CDH20: variants seen among roughly 807,000 people sequenced by gnomAD.
The protein encoded by CDH20 is cadherin 20.
A neutral mutation model predicts 74.2 loss-of-function variants in CDH20; 29 were observed. That is an observed-to-expected ratio of 0.39 (90% CI 0.29 to 0.53). The LOEUF (loss-of-function observed/expected upper bound fraction) is 0.53, where lower values mean the gene tolerates loss of function less well. Among genes scored for constraint, CDH20 ranks in the 20% least tolerant of loss-of-function variants. The pLI, the probability that CDH20 is intolerant of heterozygous loss-of-function variation, is 0.69. For missense variants in CDH20, 988 were observed against 1,048.3 expected, an observed-to-expected ratio of 0.94 and a Z score of 0.79; for synonymous variants, 469 against 405.4, an observed-to-expected ratio of 1.16 and a Z score of -1.88.
At position 61,436,754 on chromosome 18, in the gene CDH20, C is replaced by A. The variant is rs2144309160; in HGVS notation, c.-152-53648C>A. Among the ~76,000 whole-genome samples the A allele has an allele frequency of 1.3e-5, 2 of 152,228 alleles. 1 individual carries two copies. The highest frequency in any genetic ancestry group is 4.1e-4 in the South Asian group (2 of 4,834). ...TCAGATTGTACCATGTGGGTACCTA[C>A]CAGCTCCATTCACATTCAAGACCAG... On this transcript the variant is annotated intron_variant, in intron 1 of 11. Transcript: ENST00000262717.
In CDH20 at chr18:61,536,572, C is replaced by G; in HGVS notation, c.1351C>G (p.Pro451Ala). 5 of 1,613,694 alleles carry G rather than the reference C, an allele frequency of 3.1e-6. No homozygotes were observed. Among genetic ancestry groups the G allele is most frequent in the Non-Finnish European group, 4.2e-6 (5 of 1,179,628 alleles). The change falls in exon 8 of 12, where the codon CCC becomes GCC. Residue 451 changes from proline to alanine, a missense_variant. By Grantham distance (27) the Pro-to-Ala change is conservative (BLOSUM62 -1). This residue lies in a region of CDH20 where 613 missense variants were observed against 755.2 expected (regional missense o/e 0.81). Coordinates refer to ENST00000262717, the MANE Select transcript of CDH20 (RefSeq NM_031891.4). ...AACAGGTGCCCTAATGACAGCAAGA[C>G]CCCTAGACCGGGAAGAATTTTCTTG... ...ITTGALMTARPLDREEFSWHN... is the reference protein window; with the variant it reads ...ITTGALMTARALDREEFSWHN...
chr18:61,465,740 A>G (rs1909938608), intron 1 of CDH20, among the ~76,000 whole-genome samples: 1 of 151,660 alleles, frequency 6.6e-6, no homozygotes, highest in African/African-American at 2.4e-5. Flanking sequence ...AACACAGGGA[A>G]AGGAATATTT....
intron 1 of CDH20, among the ~76,000 whole-genome samples, chr18:61,485,657 C>A (rs1910735049): frequency 6.6e-6 from 1 of 152,108 alleles, no homozygotes; most frequent in African/African-American, 2.4e-5. Flanking sequence ...TTATGGAGAT[C>A]TTAGATATTA....
At chr18:61,519,232 G>A (rs571642205) in intron 6 of CDH20, among the ~76,000 whole-genome samples, 1 of 151,320 alleles carries the variant, frequency 6.6e-6, no homozygotes, top group Admixed American at 6.6e-5. Context: ...CCCCAACCTA[G>A]CAAGATAGGC....
rs1480557339 is a variant in CDH20 at position 61,455,133 on chromosome 18, G to A, written c.-152-35269G>A. ...AACATTTTACTAAATGGTATGACAG[G>A]CATTCTATAAAATACCTACCCAGTA... On this transcript the variant is annotated intron_variant, in intron 1 of 11. Coordinates refer to ENST00000262717, the MANE Select transcript of CDH20 (RefSeq NM_031891.4). Among the ~76,000 whole-genome samples the A allele has an allele frequency of 3.9e-5, 6 of 152,184 alleles. No homozygotes were observed. In the East Asian group the frequency reaches 7.7e-4, roughly 20 times the overall value.
chr18:61,517,069 A>C (rs1280903014), intron 6 of CDH20, among the ~76,000 whole-genome samples: 2 of 152,196 alleles, frequency 1.3e-5, no homozygotes, highest in Non-Finnish European at 2.9e-5. Flanking sequence ...AAAATAAAGA[A>C]ATAAACCTCA....
intron 1 of CDH20, among the ~76,000 whole-genome samples, chr18:61,335,343 C>A (rs1909723328): frequency 6.6e-6 from 1 of 152,190 alleles, no homozygotes; most frequent in East Asian, 1.9e-4. Context: ...TGACCCTGTT[C>A]AGATGTTGCC....
At chr18:61,351,796 T>C (rs1240374707) in intron 1 of CDH20, among the ~76,000 whole-genome samples, 1 of 152,150 alleles carries the variant, frequency 6.6e-6, no homozygotes, top group Non-Finnish European at 1.5e-5. Context: ...ATGAGATTGA[T>C]GTCATGAATA....
chr18:61,554,545 G>A lies in CDH20; in HGVS notation c.2256G>A (p.Gly752=), dbSNP rs375354595. ...CCCTCCAGACGTATATGTTCGAGGG[G>A]GACGGCTCTGTGGCGGGGTCGCTGA... is the stretch of plus-strand genomic sequence containing the variant. ...FDSLQTYMFE[G]DGSVAGSLSS... is the part of the protein sequence containing the mutation. The change falls in exon 12 of 12, where the codon GGG becomes GGA. Residue 752 remains glycine (G), a synonymous_variant. Transcript: ENST00000262717. 148 of 1,612,880 alleles carry A rather than the reference G, an allele frequency of 9.2e-5. No individual in the cohort carries two copies. The highest frequency in any genetic ancestry group is 1.1e-4 in the Non-Finnish European group (128 of 1,179,886).
At position 61,541,183 on chromosome 18, in the gene CDH20, C is replaced by A. The variant is rs1442455884; in HGVS notation, c.1530+2038C>A. On this transcript the variant is annotated intron_variant, in intron 9 of 11. Coordinates refer to ENST00000262717, the MANE Select transcript of CDH20 (RefSeq NM_031891.4). ...ATTATGACTGCAAGTGAACAATGAT[C>A]GAGAGGGAAGATGCAAAAATAGTAT... is the stretch of plus-strand genomic sequence containing the variant. 2.0e-5 allele frequency among the ~76,000 whole-genome samples: 3 copies of A among 151,924 alleles called. No individual in the cohort carries two copies. The East Asian group carries it at 5.8e-4, about 29-fold the overall frequency.
At chr18:61,504,584 A>C (rs1352703548) in intron 5 of CDH20, among the ~76,000 whole-genome samples, 1 of 152,174 alleles carries the variant, frequency 6.6e-6, no homozygotes, top group Non-Finnish European at 1.5e-5. Context: ...CGTGGAACAG[A>C]GCCCAGGAAT....
intron 1 of CDH20, among the ~76,000 whole-genome samples, chr18:61,340,108 T>C (rs1191388039): frequency 6.6e-6 from 1 of 152,034 alleles, no homozygotes; most frequent in African/African-American, 2.4e-5. Flanking sequence ...AATACACTCC[T>C]ACTTATCTGT....
intron 11 of CDH20, among the ~76,000 whole-genome samples, chr18:61,553,894 A>G (rs775754016): frequency 3.3e-5 from 5 of 152,178 alleles, no homozygotes; most frequent in Non-Finnish European, 5.9e-5. Flanking sequence ...ATTGGGTGTT[A>G]GGTGTAGACA....
intron 6 of CDH20, among the ~76,000 whole-genome samples, chr18:61,513,745 T>G: frequency 6.6e-6 from 1 of 152,170 alleles, no homozygotes; most frequent in East Asian, 1.9e-4. Flanking sequence ...ATTTTATTTC[T>G]CCTTCACTTA....
At chr18:61,445,369 T>C (rs1417608235) in intron 1 of CDH20, among the ~76,000 whole-genome samples, 1 of 152,146 alleles carries the variant, frequency 6.6e-6, no homozygotes, top group African/African-American at 2.4e-5. Context: ...TTGTTAGCAA[T>C]GGAACCAGAA....
intron 1 of CDH20, among the ~76,000 whole-genome samples, chr18:61,482,005 T>C (rs1320264792): frequency 1.0e-4 from 2 of 19,678 alleles, no homozygotes; most frequent in African/African-American, 2.1e-4. Context: ...AACTGAGAAA[T>C]AGACAAATAA....
chr18:61,455,972 C>G (rs371403743), intron 1 of CDH20, among the ~76,000 whole-genome samples: 1 of 152,158 alleles, frequency 6.6e-6, no homozygotes, highest in Non-Finnish European at 1.5e-5. Context: ...TACTGGAAAA[C>G]GTTTAAATAG....
intron 1 of CDH20, among the ~76,000 whole-genome samples, chr18:61,397,537 C>A (rs1234998046): frequency 3.3e-5 from 5 of 152,130 alleles, no homozygotes; most frequent in South Asian, 2.1e-4. Flanking sequence ...CCACCCTATG[C>A]AGCCACCCAT....
chr18:61,513,020 C>T (rs375811434), intron 6 of CDH20, among the ~76,000 whole-genome samples: 29 of 151,978 alleles, frequency 1.9e-4, no homozygotes, highest in South Asian at 1.0e-3. Context: ...CTATTAGGTC[C>T]GCTTGGTGCA....
Sources: allele counts gnomAD v4.1 joint callset (sites outside exome capture counted in the v4.1 genomes callset), GRCh38; gene constraint gnomAD v4.1.1; regional missense constraint gnomAD v4.1.1; transcripts MANE v1.5; gene names NCBI Gene and HGNC (gene_info 2026-07-23, HGNC 2026-07-21).